The following DNMT3A variants were observed in gnomAD, a reference collection of about 807,000 sequenced individuals.
The protein encoded by DNMT3A is DNA (cytosine-5)-methyltransferase 3A.
In DNMT3A, 267 loss-of-function variants were observed where a neutral mutation model predicts 117.6. That is an observed-to-expected ratio of 2.27 (90% CI 2.05 to 2.51). The LOEUF (loss-of-function observed/expected upper bound fraction) is 2.51. Ranked by LOEUF, DNMT3A falls within the 30% of genes most tolerant of loss-of-function variation. The probability of loss-of-function intolerance (pLI) is 0.00; values close to 1 mark genes in which losing one functional copy is unlikely to be tolerated. For missense variants in DNMT3A, 1,029 were observed against 1,260.2 expected, an observed-to-expected ratio of 0.82 and a Z score of 2.78; for synonymous variants, 432 against 474.8, an observed-to-expected ratio of 0.91 and a Z score of 1.17.
rs777216394 is a variant in DNMT3A at position 25,244,344 on chromosome 2, A to G, written c.1668-6T>C. 2 of 1,598,488 alleles carry G rather than the reference A, an allele frequency of 1.3e-6. No individual in the cohort carries two copies. Among genetic ancestry groups the G allele is most frequent in the South Asian group, 2.2e-5 (2 of 89,544 alleles). On this transcript the variant is annotated splice_polypyrimidine_tract_variant and splice_region_variant and intron_variant, in intron 14 of 22. Coordinates refer to ENST00000321117, the MANE Select transcript of DNMT3A (RefSeq NM_022552.5). Reference sequence around the variant, plus strand: ...CACACTCCACGCAAAAGCACCTGGAAGGAGACCCAGTGAGCAGAGGAGACT... The same window carrying G: ...CACACTCCACGCAAAAGCACCTGGAGGGAGACCCAGTGAGCAGAGGAGACT...
chr2:25,302,979 G>T (rs1004258673), intron 2 of DNMT3A, among the ~76,000 whole-genome samples: 4 of 152,184 alleles, frequency 2.6e-5, no homozygotes, highest in Non-Finnish European at 5.9e-5. Context: ...AATGGGGGTA[G>T]GGAGGTGTCC....
intron 6 of DNMT3A, among the ~76,000 whole-genome samples, chr2:25,250,427 G>A (rs531037160): frequency 1.3e-5 from 2 of 152,306 alleles, no homozygotes; most frequent in South Asian, 4.1e-4. Context: ...CTGGGAAAAT[G>A]AGCTCATGGA....
intron 3 of DNMT3A, among the ~76,000 whole-genome samples, chr2:25,283,834 C>A (rs2032079583): frequency 6.6e-6 from 1 of 152,212 alleles, no homozygotes; most frequent in African/African-American, 2.4e-5. Flanking sequence ...GTGGACAAAG[C>A]TCCTCACTTA....
At chr2:25,318,361 A>C (rs1446690496) in intron 1 of DNMT3A, among the ~76,000 whole-genome samples, 3 of 152,150 alleles carry the variant, frequency 2.0e-5, no homozygotes, top group African/African-American at 4.8e-5. Flanking sequence ...ATCTCCACTC[A>C]CTGCAACCTC....
At position 25,286,380 on chromosome 2, in the gene DNMT3A, T is replaced by C. The variant is rs2032313261; in HGVS notation, c.178-3669A>G. Among the ~76,000 whole-genome samples the C allele has an allele frequency of 6.6e-6, 1 of 152,234 alleles. No individual in the cohort carries two copies. Among genetic ancestry groups the C allele is most frequent in the Admixed American group, 6.5e-5 (1 of 15,288 alleles). ...GTGGGAGCCGGGCATGCTGGGCAGA[T>C]GATGGGCGAGCGGGGCATGTTGCAC... On this transcript the variant is annotated intron_variant, in intron 3 of 22. Coordinates refer to ENST00000321117, the MANE Select transcript of DNMT3A (RefSeq NM_022552.5). The surrounding 1 kb of genome is among the most constrained non-coding windows in gnomAD (Gnocchi z 4.3).
chr2:25,325,887 C>T (rs1339863796), intron 1 of DNMT3A, among the ~76,000 whole-genome samples: 3 of 152,110 alleles, frequency 2.0e-5, no homozygotes, highest in African/African-American at 2.4e-5. Flanking sequence ...ACAACAAAAG[C>T]GGGATAACTA....
Position 25,228,739 on chromosome 2 carries a change from C to T in DNMT3A, c.*5540G>A, listed in dbSNP as rs1304717063. 1 of 152,174 alleles carries T rather than the reference C, an allele frequency of 6.6e-6. No homozygotes were observed. Among genetic ancestry groups the T allele is most frequent in the Non-Finnish European group, 1.5e-5 (1 of 68,040 alleles). The allele number at this position is 152,174 out of a possible 1,614,324, so 9.4% of individuals were successfully genotyped here. On this transcript the variant is annotated 3_prime_UTR_variant, in exon 23 of 23. Transcript: ENST00000321117. ...TAGCACCTTGGTGAGTCACCTCCTCCCTCTGCGTATTCTAAGGAATTTCAG... is the reference window on the plus strand; with the variant it reads ...TAGCACCTTGGTGAGTCACCTCCTCTCTCTGCGTATTCTAAGGAATTTCAG...
intron 6 of DNMT3A, among the ~76,000 whole-genome samples, chr2:25,266,606 A>G (rs2030373090): frequency 6.6e-6 from 1 of 152,242 alleles, no homozygotes; most frequent in African/African-American, 2.4e-5. Flanking sequence ...GACAGGAAGC[A>G]CAGTCTGTTG....
Position 25,235,756 on chromosome 2 carries a change from CAG to C in DNMT3A, c.2546_2547del (p.Pro849ArgfsTer5). On this transcript the variant is annotated frameshift_variant, in exon 22 of 23. Transcript: ENST00000321117. LOFTEE classifies it high-confidence loss of function. The part of the protein sequence containing the change: ...SIKQGKDQHF[P>X]VFMNEKEDIL... ...ATGTCCTCTTTCTCATTCATGAAGA[CAG>C]GAAAATGCTGGTCTTTGCCCTGCTT... 1 of 1,614,174 alleles carries C rather than the reference CAG, an allele frequency of 6.2e-7. No individual in the cohort carries two copies. Among genetic ancestry groups the C allele is most frequent in the Non-Finnish European group, 8.5e-7 (1 of 1,180,034 alleles).
chr2:25,296,372 T>G lies in DNMT3A; in HGVS notation c.177+3767A>C, dbSNP rs2033089604. ...GCGGGCAGGAGGAATGGCTGGCTAG[T>G]GTGTTTGGGGAGCAGTGAGAAGGTG... On this transcript the variant is annotated intron_variant, in intron 3 of 22. Transcript: ENST00000321117. This position sits in a 1 kb window ranked among gnomAD's most constrained non-coding sequence, Gnocchi z 4.2. 1.3e-5 allele frequency among the ~76,000 whole-genome samples: 2 copies of G among 151,658 alleles called. No individual in the cohort carries two copies. The highest frequency in any genetic ancestry group is 4.9e-5 in the African/African-American group (2 of 41,232).
intron 6 of DNMT3A, chr2:25,249,568 TAG>T: frequency 2.8e-6 from 4 of 1,440,380 alleles, no homozygotes; most frequent in Non-Finnish European, 3.9e-6. Flanking sequence ...GCAGGCACTA[TAG>T]ACCAGGCGTG....
intron 1 of DNMT3A, among the ~76,000 whole-genome samples, chr2:25,317,817 C>A (rs2034441580): frequency 6.6e-6 from 1 of 152,220 alleles, no homozygotes; most frequent in Non-Finnish European, 1.5e-5. Flanking sequence ...CTCACCGCAA[C>A]CTCCGCCTCG....
chr2:25,301,735 G>GGCT (rs1420360961), intron 2 of DNMT3A, among the ~76,000 whole-genome samples: 1 of 152,166 alleles, frequency 6.6e-6, no homozygotes, highest in Non-Finnish European at 1.5e-5. Flanking sequence ...ATGGGCCACA[G>GGCT]GCTGCTCTTC....
At chr2:25,263,958 C>T (rs1001899135) in intron 6 of DNMT3A, among the ~76,000 whole-genome samples, 1 of 152,150 alleles carries the variant, frequency 6.6e-6, no homozygotes, top group African/African-American at 2.4e-5. Context: ...CAGCACAATT[C>T]ATTCATTTAC....
rs2033778296 is a variant in DNMT3A, at chr2:25,306,302, C to T, written c.73-6059G>A. The stretch of plus-strand genomic sequence containing the variant: ...CTGTAGATGCGCATGGGCCCAGAGC[C>T]CTCCAAAGCCCCCTACTTTTTCTGA... On this transcript the variant is annotated intron_variant, in intron 2 of 22. Transcript: ENST00000321117. This position sits in a 1 kb window ranked among gnomAD's most constrained non-coding sequence, Gnocchi z 4.1. 6.6e-6 allele frequency among the ~76,000 whole-genome samples: 1 copy of T among 152,210 alleles called. No homozygotes were observed. The highest frequency in any genetic ancestry group is 6.5e-5 in the Admixed American group (1 of 15,288).
chr2:25,301,367 G>A (rs1034367116), intron 2 of DNMT3A, among the ~76,000 whole-genome samples: 1 of 152,176 alleles, frequency 6.6e-6, no homozygotes, highest in African/African-American at 2.4e-5. Context: ...GGAAAGTGGA[G>A]GACTTGTACA....
chr2:25,316,110 C>G (rs2034369614), intron 1 of DNMT3A, among the ~76,000 whole-genome samples: 1 of 152,214 alleles, frequency 6.6e-6, no homozygotes, highest in Admixed American at 6.5e-5. Context: ...AAGGGGCTGA[C>G]AAGGACAGGG....
intron 6 of DNMT3A, among the ~76,000 whole-genome samples, chr2:25,260,129 G>T (rs1676480803): frequency 6.6e-6 from 1 of 152,186 alleles, no homozygotes; most frequent in Non-Finnish European, 1.5e-5. Context: ...CCTGGCCCAG[G>T]TTTAAACAAA....
chr2:25,249,743 T>C (rs780339463), intron 6 of DNMT3A: 1 of 1,613,868 alleles, frequency 6.2e-7, no homozygotes, highest in Non-Finnish European at 8.5e-7. Flanking sequence ...GAGAATGAAA[T>C]CCTTGATACT....
Sources: gnomAD v4.1 joint callset for allele counts (sites outside exome capture counted in the v4.1 genomes callset) on GRCh38, gnomAD v4.1.1 for gene constraint, Gnocchi (gnomAD v3.1) non-coding constraint, MANE v1.5 for transcripts, NCBI Gene and HGNC (gene_info 2026-07-23, HGNC 2026-07-21) for gene names.